The following PRKD2 variants were observed in gnomAD, a reference collection of about 807,000 sequenced individuals.
PRKD2 encodes the protein protein kinase D2.
A neutral mutation model predicts 86.0 loss-of-function variants in PRKD2; 22 were observed. The observed-to-expected ratio is 0.26, with a 90% CI of 0.18 to 0.37. The LOEUF (loss-of-function observed/expected upper bound fraction) is 0.37, where lower values mean the gene tolerates loss of function less well. Ranked by LOEUF, PRKD2 falls within the 10% of genes least tolerant of loss-of-function variation. The pLI is 1.00. For missense variants in PRKD2, 818 were observed against 1,199.2 expected (o/e 0.68, Z 4.70); for synonymous variants, 509 against 510.9 (o/e 1.00, Z 0.05).
chr19:46,716,451 C>A lies in PRKD2; in HGVS notation c.-81G>T. 1.4e-6 allele frequency: 1 copy of A among 724,812 alleles called. No homozygotes were observed. Among genetic ancestry groups the A allele is most frequent in the Non-Finnish European group, 2.1e-6 (1 of 475,862 alleles). 44.9% of individuals were successfully genotyped at this position (724,812 alleles called of 1,614,324 possible). On this transcript the variant is annotated 5_prime_UTR_variant, in exon 1 of 18. Coordinates refer to ENST00000291281, the MANE Select transcript of PRKD2 (RefSeq NM_016457.5). This position sits in a 1 kb window ranked among gnomAD's most constrained non-coding sequence, Gnocchi z 7.9. ...CCCGGGGGACCCTGGGTTCTAGATC[C>A]GCGGGATCTCGTGAGCAGGTGGTGG...
At position 46,678,031 on chromosome 19, in the gene PRKD2, G is replaced by C. The variant is rs1301572861; in HGVS notation, c.2338+365C>G. On this transcript the variant is annotated intron_variant, in intron 16 of 17. Transcript: ENST00000291281. This position sits in a 1 kb window ranked among gnomAD's most constrained non-coding sequence, Gnocchi z 5.7. Reference sequence around the variant, plus strand: ...GGCTCCAGGTCCCAGCCAATGCCTTGGGAGGCTCAGCCCCTTCTCCTGGTC... The same window carrying C: ...GGCTCCAGGTCCCAGCCAATGCCTTCGGAGGCTCAGCCCCTTCTCCTGGTC... Among the ~76,000 whole-genome samples, 1 of 152,130 alleles carries C rather than the reference G, an allele frequency of 6.6e-6. No homozygotes were observed. The highest frequency in any genetic ancestry group is 1.5e-5 in the Non-Finnish European group (1 of 68,026).
chr19:46,691,020 G>C (rs1217594394), intron 12 of PRKD2, among the ~76,000 whole-genome samples: 1 of 152,188 alleles, frequency 6.6e-6, no homozygotes, highest in African/African-American at 2.4e-5. Flanking sequence ...GGACAGGGGA[G>C]AGACACCAGC....
chr19:46,702,279 A>G (rs1346314729), intron 5 of PRKD2, among the ~76,000 whole-genome samples: 1 of 151,896 alleles, frequency 6.6e-6, no homozygotes, highest in Non-Finnish European at 1.5e-5. Context: ...GGCTCAAGCA[A>G]TCCACCCACC....
chr19:46,677,060 CAA>C (rs11397034), intron 16 of PRKD2: 11 of 127,654 alleles, frequency 8.6e-5, no homozygotes, highest in Non-Finnish European at 1.1e-4. Context: ...GACCCCACCT[CAA>C]AAAAAAAAAA....
chr19:46,694,534 G>A (rs1179040989), intron 9 of PRKD2, among the ~76,000 whole-genome samples: 1 of 152,114 alleles, frequency 6.6e-6, no homozygotes, highest in African/African-American at 2.4e-5. Flanking sequence ...GGCGGTGGTT[G>A]TAATGAGCCA....
In PRKD2 at chr19:46,678,625, G is replaced by A. The variant is rs1263152464; in HGVS notation, c.2109C>T (p.Gly703=). The A allele has an allele frequency of 8.7e-6, 14 of 1,609,662 alleles. No individual in the cohort carries two copies. The highest frequency in any genetic ancestry group is 3.3e-5 in the Admixed American group (2 of 59,998). Residue 703 remains glycine, a synonymous_variant, in exon 16 of 18, where the codon GGC becomes GGT. Coordinates refer to ENST00000291281, the MANE Select transcript of PRKD2 (RefSeq NM_016457.5). The surrounding 1 kb of genome is among the most constrained non-coding windows in gnomAD (Gnocchi z 5.7). The part of the protein sequence containing the change: ...LCDFGFARII[G]EKSFRRSVVG... ...CCACTGAGCGGCGGAACGACTTCTC[G>A]CCGATGATGCGAGCAAAGCCAAAGT...
chr19:46,691,183 A>G (rs1326223694), intron 12 of PRKD2, among the ~76,000 whole-genome samples: 1 of 152,106 alleles, frequency 6.6e-6, no homozygotes, highest in Non-Finnish European at 1.5e-5. Flanking sequence ...CCATACAATC[A>G]GAATCTAGGA....
intron 14 of PRKD2, among the ~76,000 whole-genome samples, chr19:46,685,163 G>A (rs1043356422): frequency 6.6e-6 from 1 of 151,328 alleles, no homozygotes; most frequent in Non-Finnish European, 1.5e-5. Context: ...GGAGGCTGAG[G>A]TGGGACAATT....
At chr19:46,679,107 C>G (rs1268448309) in intron 15 of PRKD2, among the ~76,000 whole-genome samples, 1 of 152,030 alleles carries the variant, frequency 6.6e-6, no homozygotes, top group Non-Finnish European at 1.5e-5. Flanking sequence ...CTTTGGGAGG[C>G]CAAGGAAGAT....
chr19:46,704,927 A>G (rs1312376055), intron 3 of PRKD2, among the ~76,000 whole-genome samples: 1 of 145,550 alleles, frequency 6.9e-6, no homozygotes, highest in African/African-American at 2.6e-5. Context: ...TCTCACTCCA[A>G]CAAGGGACAC....
At chr19:46,676,400 G>A (rs764997743) in intron 16 of PRKD2, among the ~76,000 whole-genome samples, 3 of 152,152 alleles carry the variant, frequency 2.0e-5, no homozygotes, top group Admixed American at 6.5e-5. Flanking sequence ...ACTCCAGCCC[G>A]GGTGACAAAA....
At chr19:46,680,946 A>ATATATATATATATATATTTTTT in intron 15 of PRKD2, among the ~76,000 whole-genome samples, 83 of 48,194 alleles carry the variant, frequency 1.7e-3, no homozygotes, top group South Asian at 2.2e-3. Flanking sequence ...ATATATATAT[A>ATATATATATATATATATTTTTT]TTTTTTTTTT....
Position 46,700,819 on chromosome 19 carries a change from G to T in PRKD2, c.1101C>A (p.Gly367=), listed in dbSNP as rs748584428. The change falls in exon 7 of 18, where the codon GGC becomes GGA. Residue 367 remains glycine (G), a synonymous_variant. Transcript: ENST00000291281. The part of the protein sequence containing the change: ...NALHASEEEE[G]EGGKAQSSLG... ...TATACCTCTGGGCCTTGCCTCCCTCGCCTTCCTCCTCCTCACTGGCGTGGA... is the reference window on the plus strand; with the variant it reads ...TATACCTCTGGGCCTTGCCTCCCTCTCCTTCCTCCTCCTCACTGGCGTGGA... The T allele has an allele frequency of 1.2e-6, 2 of 1,613,988 alleles. No individual in the cohort carries two copies. The highest frequency in any genetic ancestry group is 2.7e-5 in the African/African-American group (2 of 74,920).
chr19:46,689,449 T>C (rs1455867371), intron 14 of PRKD2, 88 bp downstream of exon 14: 5 of 1,423,518 alleles, frequency 3.5e-6, no homozygotes, highest in Admixed American at 4.3e-5. Flanking sequence ...CTCCCCCAAG[T>C]GTCTGCTTGA....
At chr19:46,679,028 C>T (rs577173579) in intron 15 of PRKD2, among the ~76,000 whole-genome samples, 120 of 152,236 alleles carry the variant, frequency 7.9e-4, no homozygotes, top group African/African-American at 2.6e-3. Context: ...TTGAATAATG[C>T]AGATTTTTTT....
At chr19:46,679,604 G>A (rs2053265308) in intron 15 of PRKD2, among the ~76,000 whole-genome samples, 2 of 152,084 alleles carry the variant, frequency 1.3e-5, no homozygotes. Flanking sequence ...CAGACAGTAT[G>A]GTGTATGCCT....
chr19:46,682,893 T>C (rs1032855022), intron 14 of PRKD2, among the ~76,000 whole-genome samples: 1 of 149,466 alleles, frequency 6.7e-6, no homozygotes, highest in Admixed American at 6.7e-5. Context: ...GTAGAGACAG[T>C]GTCTCACCAT....
chr19:46,709,476 G>C (rs12982786), intron 3 of PRKD2: 2 of 152,800 alleles, frequency 1.3e-5, no homozygotes, highest in East Asian at 3.9e-4. Context: ...AGATTCTCCT[G>C]ACTGAGCCTC....
At chr19:46,706,137 T>C (rs1037018270) in intron 3 of PRKD2, among the ~76,000 whole-genome samples, 1 of 152,170 alleles carries the variant, frequency 6.6e-6, no homozygotes, top group Non-Finnish European at 1.5e-5. Context: ...AGTGTTGGGA[T>C]TACAGGCATG....
Sources: gnomAD v4.1 joint callset for allele counts (sites outside exome capture counted in the v4.1 genomes callset) on GRCh38, gnomAD v4.1.1 for gene constraint, Gnocchi (gnomAD v3.1) non-coding constraint, MANE v1.5 for transcripts, NCBI Gene and HGNC (gene_info 2026-07-23, HGNC 2026-07-21) for gene names.